TRABD2A: variants seen among roughly 807,000 people sequenced by gnomAD.
TRABD2A encodes metalloprotease TIKI1.
TRABD2A carries 43 observed loss-of-function variants against 45.6 expected under a neutral mutation model. The observed-to-expected ratio is 0.94, with a 90% CI of 0.74 to 1.22. The LOEUF (loss-of-function observed/expected upper bound fraction) is 1.22, where lower values mean the gene tolerates loss of function less well. Ranked by LOEUF, TRABD2A falls within the 50% of genes most tolerant of loss-of-function variation. The pLI is 0.00. For synonymous variants in TRABD2A, 269 were observed against 265.0 expected, an observed-to-expected ratio of 1.02 and a Z score of -0.15; for missense variants, 642 against 652.4, an observed-to-expected ratio of 0.98 and a Z score of 0.17.
At chr2:84,863,555 T>C (rs1467501836) in intron 2 of TRABD2A, among the ~76,000 whole-genome samples, 2 of 150,814 alleles carry the variant, frequency 1.3e-5, no homozygotes, top group Admixed American at 1.3e-4. Flanking sequence ...AAGATGCCAG[T>C]CTATATCTAC....
At chr2:84,839,409 T>C in intron 3 of TRABD2A, 86 bp from the exon 4 acceptor site, 2 of 1,310,658 alleles carry the variant, frequency 1.5e-6, no homozygotes, top group Non-Finnish European at 2.1e-6. Context: ...TCCCCCAACC[T>C]AGATGGTCAA....
intron 2 of TRABD2A, 68 bp from the exon 3 acceptor site, chr2:84,842,075 C>T: frequency 7.1e-7 from 1 of 1,413,000 alleles, no homozygotes; most frequent in East Asian, 2.6e-5. Context: ...TTTCTTTTGT[C>T]CATGGCTGGA....
At chr2:84,871,040 A>G (rs1321439183) in intron 1 of TRABD2A, among the ~76,000 whole-genome samples, 1 of 152,164 alleles carries the variant, frequency 6.6e-6, no homozygotes, top group Non-Finnish European at 1.5e-5. Context: ...CGGAGCTTTA[A>G]AAGAAGCATC....
At chr2:84,860,360 T>C (rs796572103) in intron 2 of TRABD2A, among the ~76,000 whole-genome samples, 7 of 152,184 alleles carry the variant, frequency 4.6e-5, no homozygotes, top group African/African-American at 1.7e-4. Context: ...CTGGTGTCCA[T>C]ATAAGAAGAG....
intron 1 of TRABD2A, 48 bp from the exon 2 acceptor site, chr2:84,870,833 T>C: frequency 6.8e-7 from 1 of 1,473,540 alleles, no homozygotes; most frequent in Non-Finnish European, 9.1e-7. Context: ...GGGAGAGGCA[T>C]GGTCAGGAAC....
At chr2:84,841,174 A>G (rs1681698285) in intron 3 of TRABD2A, among the ~76,000 whole-genome samples, 1 of 152,236 alleles carries the variant, frequency 6.6e-6, no homozygotes. Flanking sequence ...GAGGAGGCGA[A>G]GGCACCATGG....
chr2:84,865,226 G>A (rs754024673), intron 2 of TRABD2A, among the ~76,000 whole-genome samples: 8 of 147,256 alleles, frequency 5.4e-5, no homozygotes, highest in South Asian at 2.1e-4. Flanking sequence ...TGCATTGTGG[G>A]GAAAAAAAAA....
chr2:84,870,177 C>T (rs776327844), intron 2 of TRABD2A, 48 bp downstream of exon 2: 3 of 1,530,182 alleles, frequency 2.0e-6, no homozygotes, highest in Admixed American at 1.8e-5. Context: ...AACAGATTCA[C>T]CCATACAACC....
chr2:84,836,640 T>TC (rs1337075790), intron 4 of TRABD2A: 3 of 152,234 alleles, frequency 2.0e-5, no homozygotes, highest in African/African-American at 7.2e-5. Context: ...TTTCTTTTTT[T>TC]CTCTCCTGTC....
intron 3 of TRABD2A, among the ~76,000 whole-genome samples, chr2:84,840,842 T>C (rs751432238): frequency 2.0e-5 from 3 of 152,188 alleles, no homozygotes; most frequent in Non-Finnish European, 4.4e-5. Flanking sequence ...TCCTCTAGAT[T>C]TTTGGGGATG....
chr2:84,858,050 C>T (rs1179859982), intron 2 of TRABD2A, among the ~76,000 whole-genome samples: 1 of 152,096 alleles, frequency 6.6e-6, no homozygotes, highest in Non-Finnish European at 1.5e-5. Context: ...TAATGTTTCA[C>T]TTTTTGTAGA....
At chr2:84,825,191 G>A (rs1474200663) in intron 5 of TRABD2A, among the ~76,000 whole-genome samples, 1 of 152,082 alleles carries the variant, frequency 6.6e-6, no homozygotes, top group African/African-American at 2.4e-5. Flanking sequence ...GGCTTTCCTC[G>A]TCCAATGATG....
chr2:84,833,112 G>C (rs1031733234), intron 4 of TRABD2A: 3 of 152,086 alleles, frequency 2.0e-5, no homozygotes, highest in East Asian at 1.9e-4. Flanking sequence ...TGCATCAAAG[G>C]GGGTGTTCAT....
intron 2 of TRABD2A, among the ~76,000 whole-genome samples, chr2:84,851,985 T>C (rs1682113071): frequency 6.6e-6 from 1 of 152,136 alleles, no homozygotes; most frequent in African/African-American, 2.4e-5. Flanking sequence ...CTTGCTTGAT[T>C]CTCCTCCCCT....
intron 2 of TRABD2A, chr2:84,850,561 C>T (rs1682049160): frequency 6.6e-6 from 1 of 152,014 alleles, no homozygotes; most frequent in Non-Finnish European, 1.5e-5. Context: ...AGGTGGAGGC[C>T]CCAGAGAGAG....
intron 2 of TRABD2A, among the ~76,000 whole-genome samples, chr2:84,847,393 G>A (rs1419152797): frequency 1.3e-5 from 2 of 152,190 alleles, no homozygotes; most frequent in Admixed American, 6.5e-5. Context: ...GTGGATAAGA[G>A]AATTGCTCAG....
At chr2:84,856,041 T>A (rs1682292259) in intron 2 of TRABD2A, among the ~76,000 whole-genome samples, 1 of 152,170 alleles carries the variant, frequency 6.6e-6, no homozygotes, top group African/African-American at 2.4e-5. Flanking sequence ...GGGCCTCGCA[T>A]CTGTTCAAGC....
rs1681628458 is a variant in TRABD2A at position 84,839,309 on chromosome 2, A to G, written c.831T>C (p.Ile277=). ...SHDSSQVPNF[I]NATLPPQERI... is the part of the protein sequence containing the mutation. ...GCTCCTGAGGTGGTAGCGTGGCATT[A>G]ATAAAATTGGGAACCTCCACCAAAA... is the stretch of plus-strand genomic sequence containing the variant. Residue 277 remains isoleucine (I), a synonymous_variant, in exon 4 of 7, where the codon ATT becomes ATC. Transcript: ENST00000409520. 7 of 1,608,100 alleles carry G rather than the reference A, an allele frequency of 4.4e-6. No homozygotes were observed. The highest frequency in any genetic ancestry group is 1.6e-4 in the Middle Eastern group (1 of 6,066).
chr2:84,874,271 A>G (rs1371319275), intron 1 of TRABD2A, among the ~76,000 whole-genome samples: 1 of 152,236 alleles, frequency 6.6e-6, no homozygotes, highest in Non-Finnish European at 1.5e-5. Context: ...TTAAAAACAC[A>G]CACACACGCA....
Sources: allele counts gnomAD v4.1 joint callset (sites outside exome capture counted in the v4.1 genomes callset), GRCh38; gene constraint gnomAD v4.1.1; transcripts MANE v1.5; gene names NCBI Gene and HGNC (gene_info 2026-07-23, HGNC 2026-07-21).